The following RYK variants were observed in gnomAD, a reference collection of about 807,000 sequenced individuals.
RYK encodes the protein inactive tyrosine-protein kinase RYK.
In RYK, 21 loss-of-function variants were observed where a neutral mutation model predicts 70.2. The ratio of observed to expected loss-of-function variants is 0.30; its 90% CI spans 0.21 to 0.43. The LOEUF is 0.43. Among genes scored for constraint, RYK ranks in the 20% least tolerant of loss-of-function variants. The pLI, the probability that RYK is intolerant of heterozygous loss-of-function variation, is 1.00. For missense variants in RYK, 604 were observed against 753.3 expected, an observed-to-expected ratio of 0.80 and a Z score of 2.32; for synonymous variants, 267 against 278.0, an observed-to-expected ratio of 0.96 and a Z score of 0.39.
Position 134,202,829 on chromosome 3 carries a change from TA to T in RYK, c.688del (p.Tyr230IlefsTer4). 2 of 1,613,794 alleles carry T rather than the reference TA, an allele frequency of 1.2e-6. No homozygotes were observed. The highest frequency in any genetic ancestry group is 1.7e-6 in the Non-Finnish European group (2 of 1,179,766). ...TGCACAACAAACCCCTACACTAATA[TA>T]AAACACACGCGTAGAAGTGGTTGGA... ...AAPTTSTRVF[Y>X]ISVGVCCAVI... On this transcript the variant is annotated frameshift_variant, in exon 6 of 15. Coordinates refer to ENST00000623711, the MANE Select transcript of RYK (RefSeq NM_002958.4). LOFTEE classifies it high-confidence loss of function.
At chr3:134,212,958 CTG>C (rs140170161) in intron 2 of RYK, among the ~76,000 whole-genome samples, 14,662 of 152,208 alleles carry the variant, frequency 0.096, 907 homozygotes, top group East Asian at 0.34. Flanking sequence ...CTGTTAAAGG[CTG>C]TGTTTGATAA....
chr3:134,228,608 G>A (rs1036776891), intron 1 of RYK, among the ~76,000 whole-genome samples: 9 of 152,024 alleles, frequency 5.9e-5, no homozygotes, highest in Non-Finnish European at 7.4e-5. Flanking sequence ...GACAAATACC[G>A]CATGACATCA....
intron 5 of RYK, among the ~76,000 whole-genome samples, chr3:134,203,500 T>C (rs2014095586): frequency 6.6e-6 from 1 of 152,130 alleles, no homozygotes; most frequent in African/African-American, 2.4e-5. Flanking sequence ...ATAAAATTAA[T>C]AAAAGGGTTG....
At chr3:134,169,032 A>G (rs1379564901) in intron 13 of RYK, among the ~76,000 whole-genome samples, 2 of 152,198 alleles carry the variant, frequency 1.3e-5, no homozygotes, top group African/African-American at 4.8e-5. Flanking sequence ...CTAGGTGATC[A>G]TTGATAGTCA....
chr3:134,204,985 C>G (rs546074328), intron 5 of RYK, among the ~76,000 whole-genome samples: 2 of 152,206 alleles, frequency 1.3e-5, no homozygotes, highest in East Asian at 3.9e-4. Context: ...AAGAGTGTCA[C>G]AGTGAAGATG....
chr3:134,183,269 A>G (rs551800554), intron 9 of RYK, 198 bp from the exon 10 acceptor site: 2 of 360,338 alleles, frequency 5.6e-6, no homozygotes, highest in African/African-American at 2.1e-5. Context: ...AGAAATTTTT[A>G]TATTAAAATC....
At position 134,204,591 on chromosome 3, in the gene RYK, CCA is replaced by C. The variant is rs59154111; in HGVS notation, c.644-1719_644-1718del. 9.4e-3 allele frequency among the ~76,000 whole-genome samples: 1,324 copies of C among 140,698 alleles called. 18 individuals are homozygous for C. Among genetic ancestry groups the C allele is most frequent in the African/African-American group, 0.026 (978 of 37,558 alleles). 92.3% of individuals were successfully genotyped at this position (140,698 alleles called of 152,430 possible). A position where few individuals can be genotyped will look rare whatever the true frequency, so the allele number is the denominator to read the frequency against. On this transcript the variant is annotated intron_variant, in intron 5 of 14. Transcript: ENST00000623711. ...AAATAACCCAATGACACAGCCACAGCCACACACACACACACACACACACACAC... is the reference window on the plus strand; with the variant it reads ...AAATAACCCAATGACACAGCCACAGCCACACACACACACACACACACACAC...
In RYK at chr3:134,236,102, G is replaced by A. The variant is rs142021687; in HGVS notation, c.233-13563C>T. Among the ~76,000 whole-genome samples, 871 of 152,202 alleles carry A rather than the reference G, an allele frequency of 5.7e-3. 14 individuals are homozygous for A. Among genetic ancestry groups the A allele is most frequent in the African/African-American group, 0.019 (792 of 41,524 alleles). ...CTAATATCCCTTTGGGATAAAGGGA[G>A]GGAATAAATGAAAATTAGAGTCAGG... is the stretch of plus-strand genomic sequence containing the variant. On this transcript the variant is annotated intron_variant, in intron 1 of 14. Coordinates refer to ENST00000623711, the MANE Select transcript of RYK (RefSeq NM_002958.4).
chr3:134,162,066 C>A (rs2012491966), intron 13 of RYK, among the ~76,000 whole-genome samples: 1 of 152,134 alleles, frequency 6.6e-6, no homozygotes, highest in Admixed American at 6.5e-5. Flanking sequence ...CCTGCAGTCC[C>A]TGCCTCTATC....
At chr3:134,162,568 C>G (rs1000288631) in intron 13 of RYK, among the ~76,000 whole-genome samples, 1 of 152,092 alleles carries the variant, frequency 6.6e-6, no homozygotes, top group African/African-American at 2.4e-5. Context: ...ACATTCTATT[C>G]TGCTTAAAAA....
chr3:134,203,208 C>A (rs763549132), intron 5 of RYK, among the ~76,000 whole-genome samples: 23 of 152,218 alleles, frequency 1.5e-4, no homozygotes, highest in Admixed American at 3.9e-4. Flanking sequence ...ATTAGCTGGG[C>A]ATGGTGGCAG....
Position 134,191,966 on chromosome 3 carries a change from T to G in RYK, c.898A>C (p.Thr300Pro). The change falls in exon 8 of 15, where the codon ACC becomes CCC. Residue 300 changes from threonine (T) to proline (P), a missense_variant. By Grantham distance (38) the Thr-to-Pro change is conservative. This residue lies in a region of RYK where 466 missense variants were observed against 535.9 expected (regional missense o/e 0.87). Coordinates refer to ENST00000623711, the MANE Select transcript of RYK (RefSeq NM_002958.4). ...AAGTCGTTCTTCTCTATCCGCAAGG[T>G]AGGATAACCTAAGGAGCCAACAAAG... is the stretch of plus-strand genomic sequence containing the variant. The part of the protein sequence containing the change: ...NNATPITSYP[T>P]LRIEKNDLRS... The G allele has an allele frequency of 6.2e-7, 1 of 1,612,950 alleles. No individual in the cohort carries two copies. The highest frequency in any genetic ancestry group is 1.1e-5 in the South Asian group (1 of 90,796).
intron 1 of RYK, among the ~76,000 whole-genome samples, chr3:134,249,008 T>C (rs1027605187): frequency 2.0e-5 from 3 of 152,108 alleles, no homozygotes; most frequent in African/African-American, 7.2e-5. Flanking sequence ...CTGACTTTGT[T>C]TACCCATGTA....
chr3:134,246,376 A>T (rs1311598238), intron 1 of RYK, among the ~76,000 whole-genome samples: 9 of 23,820 alleles, frequency 3.8e-4, no homozygotes, highest in East Asian at 2.0e-3. Context: ...GGGAATTATT[A>T]AAAAAAAAAA....
Position 134,193,586 on chromosome 3 carries a change from T to C in RYK, c.889+1496A>G, listed in dbSNP as rs566957149. 6.6e-5 allele frequency among the ~76,000 whole-genome samples: 10 copies of C among 152,350 alleles called. No homozygotes were observed. In the East Asian group the frequency reaches 1.9e-3, roughly 29 times the overall value. On this transcript the variant is annotated intron_variant, in intron 7 of 14. Transcript: ENST00000623711. Reference sequence around the variant, plus strand: ...AGAATCCATTCTAATGAGCAAAGATTGATATTTAAACATTAAAAGCAATGA... The same window carrying C: ...AGAATCCATTCTAATGAGCAAAGATCGATATTTAAACATTAAAAGCAATGA...
intron 7 of RYK, among the ~76,000 whole-genome samples, chr3:134,193,568 A>C (rs2013718254): frequency 6.6e-6 from 1 of 152,242 alleles, no homozygotes. Context: ...TTAAGAATCC[A>C]TTCTAATGAG....
chr3:134,248,549 T>C (rs2015529755), intron 1 of RYK, among the ~76,000 whole-genome samples: 1 of 152,154 alleles, frequency 6.6e-6, no homozygotes, highest in Admixed American at 6.5e-5. Flanking sequence ...CCAGGTGCGG[T>C]GGCTCACACC....
chr3:134,224,421 C>T (rs1156761811), intron 1 of RYK, among the ~76,000 whole-genome samples: 1 of 152,210 alleles, frequency 6.6e-6, no homozygotes, highest in Non-Finnish European at 1.5e-5. Context: ...AATTCTGCTA[C>T]TGCTACCTAG....
chr3:134,171,892 G>A (rs932119256), intron 13 of RYK, among the ~76,000 whole-genome samples: 4 of 152,014 alleles, frequency 2.6e-5, no homozygotes, highest in Admixed American at 6.6e-5. Context: ...CATATTTTGG[G>A]GGCCTCCACT....
Sources: gnomAD v4.1 joint callset for allele counts (sites outside exome capture counted in the v4.1 genomes callset) on GRCh38, gnomAD v4.1.1 for gene constraint, gnomAD v4.1.1 regional missense constraint, MANE v1.5 for transcripts, NCBI Gene and HGNC (gene_info 2026-07-23, HGNC 2026-07-21) for gene names.